Variants in RIPK4 observed in about 807,000 individuals in gnomAD.
RIPK4 encodes receptor-interacting serine/threonine-protein kinase 4.
A neutral mutation model predicts 42.9 loss-of-function variants in RIPK4; 17 were observed. The observed-to-expected ratio is 0.40, with a 90% CI of 0.27 to 0.59. The LOEUF is 0.59. Among genes scored for constraint, RIPK4 ranks in the 20% least tolerant of loss-of-function variants. The pLI, the probability that RIPK4 is intolerant of heterozygous loss-of-function variation, is 0.47. For synonymous variants in RIPK4, 498 were observed against 499.1 expected, an observed-to-expected ratio of 1.00 and a Z score of 0.03; for missense variants, 897 against 1,104.4, an observed-to-expected ratio of 0.81 and a Z score of 2.66.
chr21:41,743,950 G>A lies in RIPK4; in HGVS notation c.1127C>T (p.Ser376Leu), dbSNP rs387906921. The part of the protein sequence containing the change: ...GSGKRLSGVS[S>L]VDSAFSSRGS... ...TCTGGAAGAGAAGGCGGAGTCCACC[G>A]AGGACACCCCCGAGAGCCTCTTCCC... Residue 376 changes from serine to leucine, a missense_variant, in exon 7 of 8, where the codon TCG (serine) becomes TTG (leucine). Coordinates refer to ENST00000332512, the MANE Select transcript of RIPK4 (RefSeq NM_020639.3). 9.3e-6 allele frequency: 15 copies of A among 1,613,218 alleles called. No individual in the cohort carries two copies. Among genetic ancestry groups the A allele is most frequent in the Non-Finnish European group, 1.3e-5 (15 of 1,179,980 alleles).
At chr21:41,761,854 C>A (rs2061221272) in intron 1 of RIPK4, among the ~76,000 whole-genome samples, 1 of 152,228 alleles carries the variant, frequency 6.6e-6, no homozygotes, top group Non-Finnish European at 1.5e-5. Flanking sequence ...CTTCTGATTG[C>A]AGAGTGAGCT....
chr21:41,750,850 G>A (rs868848972), intron 3 of RIPK4, among the ~76,000 whole-genome samples: 2 of 152,262 alleles, frequency 1.3e-5, no homozygotes, highest in Middle Eastern at 3.4e-3. Context: ...GCTAATTTTT[G>A]TATTTTTTGT....
chr21:41,746,402 G>C (rs1458904536), intron 5 of RIPK4, among the ~76,000 whole-genome samples: 3 of 152,260 alleles, frequency 2.0e-5, no homozygotes, highest in African/African-American at 7.2e-5. Flanking sequence ...GATGGTTGGA[G>C]GCAACTCAGT....
rs980624892 is a variant in RIPK4 at position 41,766,741 on chromosome 21, C to A, written c.182+119G>T. On this transcript the variant is annotated intron_variant, in intron 1 of 7. Coordinates refer to ENST00000332512, the MANE Select transcript of RIPK4 (RefSeq NM_020639.3). ...GGCCTCGCCGGCAATTGGTTTCCCC[C>A]CCGAAGCTGCTCCGGGGGTGAGTTC... The A allele has an allele frequency of 2.1e-5, 23 of 1,109,688 alleles. No individual in the cohort carries two copies. The South Asian group carries it at 3.3e-4, about 16-fold the overall frequency. The allele number at this position is 1,109,688 out of a possible 1,614,324, so 68.7% of individuals were successfully genotyped here.
rs2061147758 is a variant in RIPK4 at position 41,740,116 on chromosome 21, A to C, written c.*722T>G. 2 of 152,306 alleles carry C rather than the reference A, an allele frequency of 1.3e-5. No individual in the cohort carries two copies. The highest frequency in any genetic ancestry group is 6.5e-5 in the Admixed American group (1 of 15,302). The allele number at this position is 152,306 out of a possible 1,614,324, so 9.4% of individuals were successfully genotyped here. ...AGGCAACGAGAAACGAACGGCAGCT[A>C]GTACCATGTGGGCACGTGTGTGTGG... On this transcript the variant is annotated 3_prime_UTR_variant, in exon 8 of 8. Coordinates refer to ENST00000332512, the MANE Select transcript of RIPK4 (RefSeq NM_020639.3).
At chr21:41,747,711 T>A (rs923339723) in intron 4 of RIPK4, among the ~76,000 whole-genome samples, 1 of 152,162 alleles carries the variant, frequency 6.6e-6, no homozygotes, top group East Asian at 1.9e-4. Context: ...TATTCAGACT[T>A]CAAAACCAAC....
At chr21:41,758,021 A>AAAAAATATAT (rs1555910478) in intron 1 of RIPK4, among the ~76,000 whole-genome samples, 1 of 51,364 alleles carries the variant, frequency 1.9e-5, no homozygotes, top group African/African-American at 1.1e-4. Flanking sequence ...AAAAAAAAAA[A>AAAAAATATAT]ATATATATAT....
intron 4 of RIPK4, among the ~76,000 whole-genome samples, chr21:41,747,681 T>TA (rs1468457629): frequency 6.6e-6 from 1 of 152,214 alleles, no homozygotes; most frequent in East Asian, 1.9e-4. Flanking sequence ...GTTAAGTGTT[T>TA]AGCAGGCTAT....
chr21:41,764,656 TA>T (rs1279746775), intron 1 of RIPK4, among the ~76,000 whole-genome samples: 1 of 152,216 alleles, frequency 6.6e-6, no homozygotes, highest in Non-Finnish European at 1.5e-5. Context: ...CTTCAAGGCC[TA>T]GGTACAACCT....
chr21:41,758,014 AAAAAAAAAT>A (rs1278569291), intron 1 of RIPK4, among the ~76,000 whole-genome samples: 1 of 105,564 alleles, frequency 9.5e-6, no homozygotes, highest in Non-Finnish European at 1.8e-5. Flanking sequence ...AAAAAAAAAA[AAAAAAAAAT>A]ATATATATAT....
In RIPK4 at chr21:41,755,975, C is replaced by A. The variant is rs75442815; in HGVS notation, c.474+550G>T. Among the ~76,000 whole-genome samples the A allele has an allele frequency of 2.0e-5, 3 of 152,206 alleles. No homozygotes were observed. Among genetic ancestry groups the A allele is most frequent in the African/African-American group, 4.8e-5 (2 of 41,438 alleles). Reference sequence around the variant, plus strand: ...GCAAAAGCAAGCTCCATCTCCCAGGCGTTGCACTAACGCAACACGCTGCCA... The same window carrying A: ...GCAAAAGCAAGCTCCATCTCCCAGGAGTTGCACTAACGCAACACGCTGCCA... On this transcript the variant is annotated intron_variant, in intron 2 of 7. Coordinates refer to ENST00000332512, the MANE Select transcript of RIPK4 (RefSeq NM_020639.3). This position sits in a 1 kb window ranked among gnomAD's most constrained non-coding sequence, Gnocchi z 4.2.
In RIPK4 at chr21:41,746,094, C is replaced by T. The variant is rs189703582; in HGVS notation, c.833-232G>A. ...CCAGACTCAAGGCGGAAGCCTTCCC[C>T]GGGGGAGCGCCACCTGCCAGTCACA... On this transcript the variant is annotated intron_variant, in intron 5 of 7. Transcript: ENST00000332512. 4.3e-4 allele frequency: 295 copies of T among 693,318 alleles called. 1 individual carries two copies. The African/African-American group carries it at 4.5e-3, about 11-fold the overall frequency. 42.9% of individuals were successfully genotyped at this position (693,318 alleles called of 1,614,324 possible).
chr21:41,760,175 A>C (rs2061216514), intron 1 of RIPK4, among the ~76,000 whole-genome samples: 2 of 152,228 alleles, frequency 1.3e-5, no homozygotes, highest in Middle Eastern at 3.2e-3. Context: ...AAGTGAGTGC[A>C]TTTTCAGCCA....
At chr21:41,753,869 T>C (rs1251173450) in intron 2 of RIPK4, among the ~76,000 whole-genome samples, 1 of 152,222 alleles carries the variant, frequency 6.6e-6, no homozygotes, top group Non-Finnish European at 1.5e-5. Flanking sequence ...CAGCCTGAGA[T>C]TTTAAACCAA....
At chr21:41,744,434 A>G (rs929915794) in intron 6 of RIPK4, among the ~76,000 whole-genome samples, 1 of 152,072 alleles carries the variant, frequency 6.6e-6, no homozygotes, top group African/African-American at 2.4e-5. Context: ...GGATGCTCAG[A>G]CTCTGCACCC....
At chr21:41,752,236 C>G (rs951742340) in intron 2 of RIPK4, among the ~76,000 whole-genome samples, 2 of 152,116 alleles carry the variant, frequency 1.3e-5, no homozygotes, top group Non-Finnish European at 2.9e-5. Context: ...TTTTAAAAAC[C>G]CTTTTCATTA....
intron 5 of RIPK4, 128 bp downstream of exon 5, chr21:41,746,485 G>T: frequency 8.8e-7 from 1 of 1,142,784 alleles, no homozygotes; most frequent in Non-Finnish European, 1.2e-6. Context: ...TCTGTGCAGG[G>T]CTCATTTCGG....
At chr21:41,746,830 C>T (rs185472832) in intron 4 of RIPK4, 59 bp from the exon 5 acceptor site, 2 of 1,514,326 alleles carry the variant, frequency 1.3e-6, no homozygotes, top group African/African-American at 1.4e-5. Context: ...GCATCTCACC[C>T]TTGGGAGGAA....
In RIPK4 at chr21:41,742,001, C is replaced by T; in HGVS notation, c.1196-4G>A. On this transcript the variant is annotated splice_polypyrimidine_tract_variant and splice_region_variant and intron_variant, in intron 7 of 7. Coordinates refer to ENST00000332512, the MANE Select transcript of RIPK4 (RefSeq NM_020639.3). This position sits in a 1 kb window ranked among gnomAD's most constrained non-coding sequence, Gnocchi z 5.1. ...TGGACGTCTGTGGTGCCCAGATCTG[C>T]AGGGAGAGGAGAGGCAAAGGTCAGA... is the stretch of plus-strand genomic sequence containing the variant. The T allele has an allele frequency of 6.3e-7, 1 of 1,574,842 alleles. No individual in the cohort carries two copies. The highest frequency in any genetic ancestry group is 8.6e-7 in the Non-Finnish European group (1 of 1,158,202).
Sources: gnomAD v4.1 joint callset for allele counts (sites outside exome capture counted in the v4.1 genomes callset) on GRCh38, gnomAD v4.1.1 for gene constraint, Gnocchi (gnomAD v3.1) non-coding constraint, MANE v1.5 for transcripts, NCBI Gene and HGNC (gene_info 2026-07-23, HGNC 2026-07-21) for gene names.